The following POU6F2 variants were observed in gnomAD, a reference collection of about 807,000 sequenced individuals.
The protein encoded by POU6F2 is POU class 6 homeobox 2, also known as POU domain, class 6, transcription factor 2.
Under a neutral mutation model 71.3 loss-of-function variants are expected in POU6F2, and 31 were observed. The observed-to-expected ratio is 0.43, with a 90% CI of 0.33 to 0.59. The LOEUF (loss-of-function observed/expected upper bound fraction) is 0.59. Among genes scored for constraint, POU6F2 ranks in the 20% least tolerant of loss-of-function variants. POU6F2 has a pLI of 0.04. For synonymous variants in POU6F2, 347 were observed against 355.7 expected, an observed-to-expected ratio of 0.98 and a Z score of 0.27; for missense variants, 783 against 856.8, an observed-to-expected ratio of 0.91 and a Z score of 1.07.
chr7:38,994,035 C>T (rs981083909), intron 1 of POU6F2, among the ~76,000 whole-genome samples: 1 of 152,096 alleles, frequency 6.6e-6, no homozygotes, highest in African/African-American at 2.4e-5. Context: ...AAGGCGAACC[C>T]GTCAATTTTG....
chr7:39,033,346 G>C (rs1430383131), intron 1 of POU6F2, among the ~76,000 whole-genome samples: 3 of 152,156 alleles, frequency 2.0e-5, no homozygotes, highest in East Asian at 3.8e-4. Context: ...TCTTTTGCTA[G>C]TCACAGCCAA....
chr7:39,231,561 G>C lies in POU6F2; in HGVS notation c.598+23941G>C, dbSNP rs149204842. 2.0e-5 allele frequency among the ~76,000 whole-genome samples: 3 copies of C among 152,126 alleles called. No individual in the cohort carries two copies. The East Asian group carries it at 5.8e-4, about 29-fold the overall frequency. On this transcript the variant is annotated intron_variant, in intron 4 of 9. Coordinates refer to ENST00000518318, the MANE Select transcript of POU6F2 (RefSeq NM_001370959.1). ...TCTGATCACTTCATTTCCTTTTCCT[G>C]ATTGACACATAGACCCTATTTTCCA...
chr7:39,044,540 A>AGACT (rs1790251839), intron 1 of POU6F2, among the ~76,000 whole-genome samples: 2 of 152,000 alleles, frequency 1.3e-5, no homozygotes, highest in South Asian at 4.1e-4. Context: ...TGTTTTTCTG[A>AGACT]GACTGATAGA....
chr7:39,400,247 T>C (rs75143829), intron 5 of POU6F2, among the ~76,000 whole-genome samples: 2,784 of 152,324 alleles, frequency 0.018, 75 homozygotes, highest in East Asian at 0.11. Context: ...ATGTTTTTCC[T>C]ACCCCTATTA....
intron 4 of POU6F2, among the ~76,000 whole-genome samples, chr7:39,216,451 A>C (rs953074741): frequency 6.6e-6 from 1 of 152,184 alleles, no homozygotes; most frequent in Non-Finnish European, 1.5e-5. Context: ...CGAAAGAATG[A>C]ATTCATTAAT....
chr7:39,006,137 C>A (rs990142735), intron 1 of POU6F2, among the ~76,000 whole-genome samples: 1 of 152,102 alleles, frequency 6.6e-6, no homozygotes, highest in African/African-American at 2.4e-5. Flanking sequence ...GCATCTTACA[C>A]CTGATCACAT....
intron 4 of POU6F2, among the ~76,000 whole-genome samples, chr7:39,235,635 C>A (rs1374660864): frequency 6.6e-6 from 1 of 152,160 alleles, no homozygotes; most frequent in Admixed American, 6.5e-5. Flanking sequence ...GCCTTGTATC[C>A]CCTGAGCTTT....
chr7:39,410,840 G>C (rs1787536126), intron 6 of POU6F2, among the ~76,000 whole-genome samples: 1 of 152,206 alleles, frequency 6.6e-6, no homozygotes, highest in Non-Finnish European at 1.5e-5. Flanking sequence ...GCAAGAGGCA[G>C]TACAGTGTAC....
At chr7:39,410,264 G>A (rs1430871560) in intron 6 of POU6F2, among the ~76,000 whole-genome samples, 2 of 152,150 alleles carry the variant, frequency 1.3e-5, no homozygotes, top group Non-Finnish European at 2.9e-5. Context: ...AGCCAAGATT[G>A]TGCCACTGCA....
intron 4 of POU6F2, among the ~76,000 whole-genome samples, chr7:39,262,511 C>G (rs937297911): frequency 1.3e-5 from 2 of 152,220 alleles, no homozygotes; most frequent in African/African-American, 2.4e-5. Context: ...GCCGAACATG[C>G]AACAACTGCT....
intron 5 of POU6F2, among the ~76,000 whole-genome samples, chr7:39,378,672 T>C (rs1786758968): frequency 6.6e-6 from 1 of 152,220 alleles, no homozygotes. Context: ...TCCAACATTG[T>C]AATATTTATC....
intron 2 of POU6F2, among the ~76,000 whole-genome samples, chr7:39,155,100 G>A (rs1390353206): frequency 2.6e-5 from 4 of 152,082 alleles, no homozygotes; most frequent in African/African-American, 9.7e-5. Flanking sequence ...GACCAGTGTG[G>A]TGGAATGAGG....
intron 7 of POU6F2, among the ~76,000 whole-genome samples, chr7:39,439,036 G>C (rs1052462015): frequency 2.0e-5 from 3 of 152,142 alleles, no homozygotes; most frequent in African/African-American, 7.2e-5. Flanking sequence ...GAATCTGGGT[G>C]CTCCTGTATT....
chr7:38,991,861 T>C (rs768638662), intron 1 of POU6F2, among the ~76,000 whole-genome samples: 4 of 151,562 alleles, frequency 2.6e-5, no homozygotes, highest in Admixed American at 2.6e-4. Context: ...TCTCTCTCCC[T>C]CTCTCTCACA....
At chr7:39,284,558 C>T (rs1476281797) in intron 4 of POU6F2, among the ~76,000 whole-genome samples, 2 of 152,200 alleles carry the variant, frequency 1.3e-5, no homozygotes, top group African/African-American at 4.8e-5. Flanking sequence ...TACTTGGTGA[C>T]AGCACATGAA....
At chr7:39,070,377 C>T (rs1428185536) in intron 1 of POU6F2, among the ~76,000 whole-genome samples, 1 of 147,956 alleles carries the variant, frequency 6.8e-6, no homozygotes, top group Non-Finnish European at 1.5e-5. Context: ...GCATCTCCCT[C>T]CACACTTCTG....
intron 4 of POU6F2, among the ~76,000 whole-genome samples, chr7:39,282,638 T>C (rs1465664331): frequency 6.6e-6 from 1 of 152,204 alleles, no homozygotes; most frequent in Admixed American, 6.5e-5. Flanking sequence ...TCTGTTGGTC[T>C]TGGGGTCTGT....
intron 1 of POU6F2, among the ~76,000 whole-genome samples, chr7:39,044,029 A>G (rs1181196938): frequency 6.6e-6 from 1 of 151,912 alleles, no homozygotes; most frequent in Non-Finnish European, 1.5e-5. Flanking sequence ...CAGAATCACC[A>G]GGTTTCCAGG....
chr7:39,225,733 A>C (rs1196615611), intron 4 of POU6F2, among the ~76,000 whole-genome samples: 1 of 152,254 alleles, frequency 6.6e-6, no homozygotes, highest in Non-Finnish European at 1.5e-5. Context: ...TAAATGATAT[A>C]GCCACATGCT....
Sources: allele counts gnomAD v4.1 joint callset (sites outside exome capture counted in the v4.1 genomes callset), GRCh38; gene constraint gnomAD v4.1.1; transcripts MANE v1.5; gene names NCBI Gene and HGNC (gene_info 2026-07-23, HGNC 2026-07-21).